MYOZ3: variants seen among roughly 807,000 people sequenced by gnomAD.
The protein encoded by MYOZ3 is myozenin 3, also known as myozenin-3.
In MYOZ3, 19 loss-of-function variants were observed where a neutral mutation model predicts 26.5. The observed-to-expected ratio is 0.72, with a 90% CI of 0.50 to 1.05. MYOZ3 has a LOEUF of 1.05. Among genes scored for constraint, MYOZ3 ranks in the 50% least tolerant of loss-of-function variants. MYOZ3 has a pLI of 0.00. For missense variants in MYOZ3, 322 were observed against 337.1 expected (o/e 0.96, Z 0.35); for synonymous variants, 135 against 138.8 (o/e 0.97, Z 0.19).
chr5:150,668,200 CTTGTTCTTCTG>C (rs1758838395), intron 2 of MYOZ3, among the ~76,000 whole-genome samples: 4 of 152,200 alleles, frequency 2.6e-5, no homozygotes, highest in African/African-American at 4.8e-5. Context: ...TGTGGTTAAA[CTTGTTCTTCTG>C]TCCATTTTCT....
rs1374851735 is a variant in MYOZ3, at chr5:150,678,065, T to C, written c.*1190T>C. On this transcript the variant is annotated 3_prime_UTR_variant, in exon 7 of 7. Transcript: ENST00000517768. The stretch of plus-strand genomic sequence containing the variant: ...CATGGGGTGGGCTTCACTAAGGAAA[T>C]GGGGAAGGTTTTAGTGATGGGTCTT... 1 of 152,068 alleles carries C rather than the reference T, an allele frequency of 6.6e-6. No homozygotes were observed. Among genetic ancestry groups the C allele is most frequent in the Non-Finnish European group, 1.5e-5 (1 of 68,250 alleles). The allele number at this position is 152,068 out of a possible 1,614,324, so 9.4% of individuals were successfully genotyped here. A position where few individuals can be genotyped will look rare whatever the true frequency, so the allele number is the denominator to read the frequency against.
At chr5:150,669,792 T>C (rs10057714) in intron 2 of MYOZ3, 21,353 of 151,624 alleles carry the variant, frequency 0.14, 2,825 homozygotes, top group African/African-American at 0.36. Flanking sequence ...ATTACAGGCA[T>C]GCGCCACCTA....
intron 6 of MYOZ3, among the ~76,000 whole-genome samples, chr5:150,675,289 T>A (rs898458706): frequency 1.6e-4 from 24 of 151,622 alleles, no homozygotes; most frequent in African/African-American, 5.9e-4. Flanking sequence ...TTGCTTTTTT[T>A]ACTCAACATT....
intron 2 of MYOZ3, among the ~76,000 whole-genome samples, chr5:150,664,754 C>T (rs1242948654): frequency 1.3e-5 from 2 of 152,122 alleles, no homozygotes; most frequent in Admixed American, 1.3e-4. Context: ...GTCTTCAGAG[C>T]TGTTTCTTTA....
intron 3 of MYOZ3, 151 bp downstream of exon 3, chr5:150,670,789 T>C (rs951162927): frequency 1.8e-5 from 12 of 685,628 alleles, no homozygotes; most frequent in Non-Finnish European, 2.7e-5. Context: ...AAAAGTGTTA[T>C]CTTTTTAGGC....
intron 1 of MYOZ3, among the ~76,000 whole-genome samples, chr5:150,662,306 G>A (rs184831504): frequency 6.6e-6 from 1 of 152,300 alleles, no homozygotes; most frequent in African/African-American, 2.4e-5. Context: ...TACAAATAGG[G>A]GGATGGAACA....
chr5:150,672,229 A>G (rs544212056), intron 5 of MYOZ3, 111 bp from the exon 6 acceptor site: 61 of 1,480,678 alleles, frequency 4.1e-5, no homozygotes, highest in Non-Finnish European at 5.3e-5. Context: ...CCTCTCCCCT[A>G]ACTCCGATCT....
intron 2 of MYOZ3, among the ~76,000 whole-genome samples, chr5:150,669,336 A>G (rs530596120): frequency 6.6e-6 from 1 of 151,764 alleles, no homozygotes; most frequent in East Asian, 2.0e-4. Context: ...TAATCCAGCT[A>G]CTCACGAGCC....
At chr5:150,666,339 C>T (rs558311878) in intron 2 of MYOZ3, among the ~76,000 whole-genome samples, 4 of 151,814 alleles carry the variant, frequency 2.6e-5, no homozygotes, top group South Asian at 2.1e-4. Context: ...GGGGGCCGGG[C>T]GCGGTGGCTC....
At position 150,676,924 on chromosome 5, in the gene MYOZ3, C is replaced by T. The variant is rs747515819; in HGVS notation, c.*49C>T. On this transcript the variant is annotated 3_prime_UTR_variant, in exon 7 of 7. Transcript: ENST00000517768. ...CCAGTCTCGGGGGCCTGGTAACATC[C>T]GGAGCCAAGACTTGTGGACAGCACT... 1.5e-5 allele frequency: 23 copies of T among 1,560,876 alleles called. No individual in the cohort carries two copies. The highest frequency in any genetic ancestry group is 4.5e-5 in the South Asian group (4 of 89,584).
chr5:150,670,696 T>G (rs1758892292), intron 3 of MYOZ3, 58 bp downstream of exon 3: 1 of 1,520,682 alleles, frequency 6.6e-7, no homozygotes, highest in Admixed American at 1.9e-5. Flanking sequence ...AGCCACTGGT[T>G]AGCCTAAAGT....
At chr5:150,671,480 C>T in intron 3 of MYOZ3, 117 bp from the exon 4 acceptor site, 4 of 1,040,184 alleles carry the variant, frequency 3.8e-6, no homozygotes, top group Non-Finnish European at 4.4e-6. Context: ...CCTTGTTCCC[C>T]GATGATGGGC....
chr5:150,666,145 A>ACC (rs1362652325), intron 2 of MYOZ3, among the ~76,000 whole-genome samples: 1 of 151,776 alleles, frequency 6.6e-6, no homozygotes. Context: ...ATTCTTTTAT[A>ACC]TTTTTAAGTA....
chr5:150,672,527 G>T, intron 6 of MYOZ3, 25 bp downstream of exon 6: 1 of 1,541,932 alleles, frequency 6.5e-7, no homozygotes, highest in Non-Finnish European at 8.7e-7. Flanking sequence ...GCAGCCCGGG[G>T]GACAGACCGG....
At chr5:150,665,017 G>GA (rs144566726) in intron 2 of MYOZ3, among the ~76,000 whole-genome samples, 9,935 of 148,142 alleles carry the variant, frequency 0.067, 1,106 homozygotes, top group African/African-American at 0.23. Context: ...ATGTTCTTTG[G>GA]CTTTTTTTTT....
chr5:150,670,396 T>TA (rs1758882861), intron 2 of MYOZ3, 88 bp from the exon 3 acceptor site: 1 of 1,387,102 alleles, frequency 7.2e-7, no homozygotes, highest in South Asian at 1.6e-5. Context: ...CAGGCATTCT[T>TA]ACACACAGCA....
At chr5:150,673,485 C>T (rs541466143) in intron 6 of MYOZ3, among the ~76,000 whole-genome samples, 5 of 152,040 alleles carry the variant, frequency 3.3e-5, no homozygotes, top group Non-Finnish European at 5.9e-5. Context: ...GGATTACAGG[C>T]GCCCACCACC....
At position 150,677,979 on chromosome 5, in the gene MYOZ3, A is replaced by C. The variant is rs1486877175; in HGVS notation, c.*1104A>C. ...CATGTGCAAAAATATGGAACTGAGC[A>C]CGGGTGCAGGGTGTTCTGCAGAAGG... On this transcript the variant is annotated 3_prime_UTR_variant, in exon 7 of 7. Transcript: ENST00000517768. 5 of 152,362 alleles carry C rather than the reference A, an allele frequency of 3.3e-5. No homozygotes were observed. Among genetic ancestry groups the C allele is most frequent in the Non-Finnish European group, 7.3e-5 (5 of 68,200 alleles). The allele number at this position is 152,362 out of a possible 1,614,324, so 9.4% of individuals were successfully genotyped here. A position where few individuals can be genotyped will look rare whatever the true frequency, so the allele number is the denominator to read the frequency against.
At chr5:150,665,589 T>C (rs1758795768) in intron 2 of MYOZ3, among the ~76,000 whole-genome samples, 1 of 152,110 alleles carries the variant, frequency 6.6e-6, no homozygotes, top group Admixed American at 6.5e-5. Flanking sequence ...TCAAATAGAT[T>C]TTATCTTTTT....
Sources: allele counts gnomAD v4.1 joint callset (sites outside exome capture counted in the v4.1 genomes callset), GRCh38; gene constraint gnomAD v4.1.1; transcripts MANE v1.5; gene names NCBI Gene and HGNC (gene_info 2026-07-23, HGNC 2026-07-21).